Variants in MBNL1 observed in about 807,000 individuals in gnomAD.
The protein encoded by MBNL1 is muscleblind-like protein 1.
MBNL1 carries 8 observed loss-of-function variants against 42.2 expected under a neutral mutation model. That is an observed-to-expected ratio of 0.19 (90% CI 0.11 to 0.34). The LOEUF (loss-of-function observed/expected upper bound fraction) is 0.34, where lower values mean the gene tolerates loss of function less well. Ranked by LOEUF, MBNL1 falls within the 10% of genes least tolerant of loss-of-function variation. The pLI, the probability that MBNL1 is intolerant of heterozygous loss-of-function variation, is 1.00. For synonymous variants in MBNL1, 169 were observed against 173.9 expected (o/e 0.97, Z 0.22); for missense variants, 309 against 495.3 (o/e 0.62, Z 3.57).
intron 9 of MBNL1, among the ~76,000 whole-genome samples, chr3:152,460,170 C>T (rs77203390): frequency 6.6e-6 from 1 of 151,672 alleles, no homozygotes; most frequent in African/African-American, 2.4e-5. Context: ...GGGAGGATCA[C>T]TTGAGCCCAG....
chr3:152,435,800 T>C (rs908337154), intron 4 of MBNL1, among the ~76,000 whole-genome samples: 4 of 152,204 alleles, frequency 2.6e-5, no homozygotes, highest in African/African-American at 9.7e-5. Flanking sequence ...ATTCTTTTTG[T>C]GGCAATTGTG....
intron 2 of MBNL1, among the ~76,000 whole-genome samples, chr3:152,363,555 G>T (rs959213698): frequency 3.9e-5 from 6 of 152,152 alleles, no homozygotes; most frequent in Non-Finnish European, 8.8e-5. Flanking sequence ...TCTTTGTCCA[G>T]TGTTAAACTA....
chr3:152,284,766 C>G (rs2050558313), intron 1 of MBNL1, among the ~76,000 whole-genome samples: 1 of 151,936 alleles, frequency 6.6e-6, no homozygotes, highest in Admixed American at 6.6e-5. Context: ...TGCATTTTAC[C>G]TACGTGGAAG....
chr3:152,304,840 G>A (rs2062253743), intron 2 of MBNL1, among the ~76,000 whole-genome samples: 1 of 152,068 alleles, frequency 6.6e-6, no homozygotes, highest in Admixed American at 6.5e-5. Flanking sequence ...ACTAGTAATT[G>A]TATTCATTTG....
At chr3:152,455,433 C>T in intron 6 of MBNL1, 109 bp from the exon 7 acceptor site, 1 of 856,970 alleles carries the variant, frequency 1.2e-6, no homozygotes, top group Non-Finnish European at 2.0e-6. Flanking sequence ...CCCATAATAA[C>T]AATTTTTCTT....
intron 2 of MBNL1, among the ~76,000 whole-genome samples, chr3:152,347,418 G>T (rs1174786637): frequency 1.3e-5 from 2 of 152,012 alleles, no homozygotes; most frequent in Non-Finnish European, 1.5e-5. Flanking sequence ...GTCACTTTTA[G>T]GTTATAGTTT....
chr3:152,311,802 C>T (rs1232661937), intron 2 of MBNL1, among the ~76,000 whole-genome samples: 1 of 151,712 alleles, frequency 6.6e-6, no homozygotes, highest in Non-Finnish European at 1.5e-5. Context: ...GCATAAAGAG[C>T]ATGTTTGCTC....
At position 152,268,964 on chromosome 3, in the gene MBNL1, C is replaced by T. The variant is rs928248379; in HGVS notation, c.-918C>T. The T allele has an allele frequency of 2.8e-5, 13 of 456,144 alleles. No individual in the cohort carries two copies. Among genetic ancestry groups the T allele is most frequent in the African/African-American group, 2.6e-4 (13 of 50,076 alleles). The allele number at this position is 456,144 out of a possible 1,614,324, so 28.3% of individuals were successfully genotyped here. A position where few individuals can be genotyped will look rare whatever the true frequency, so the allele number is the denominator to read the frequency against. The stretch of plus-strand genomic sequence containing the variant: ...CTGCAGCTGAATGAGTTGTGGCGCC[C>T]ACAATGCTCCCATGACAAGGAGCTG... On this transcript the variant is annotated 5_prime_UTR_variant, in exon 1 of 10. Transcript: ENST00000324210.
At chr3:152,268,773 GA>G (rs769161226), upstream of MBNL1, 2 of 449,928 alleles carry the variant, frequency 4.4e-6, no homozygotes, top group Non-Finnish European at 4.4e-6. Flanking sequence ...GGCGCCGGCG[GA>G]AAGTTGAAGA....
intron 2 of MBNL1, among the ~76,000 whole-genome samples, chr3:152,402,165 C>A (rs1457125220): frequency 1.3e-5 from 2 of 152,074 alleles, no homozygotes; most frequent in Admixed American, 1.3e-4. Context: ...TGCTTTCAAG[C>A]ATCTCTGGAG....
Position 152,445,262 on chromosome 3 carries a change from T to A in MBNL1, c.550-20T>A. 6.2e-7 allele frequency: 1 copy of A among 1,601,804 alleles called. No homozygotes were observed. Among genetic ancestry groups the A allele is most frequent in the South Asian group, 1.1e-5 (1 of 90,202 alleles). On this transcript the variant is annotated intron_variant, in intron 4 of 9. Transcript: ENST00000324210. ...TCTTCTTCATGTTGACTAAACCTCATGTACTTAATGACCTCATAGGTATGT... is the reference window on the plus strand; with the variant it reads ...TCTTCTTCATGTTGACTAAACCTCAAGTACTTAATGACCTCATAGGTATGT...
chr3:152,286,612 C>T (rs1479399951), intron 1 of MBNL1, among the ~76,000 whole-genome samples: 1 of 140,570 alleles, frequency 7.1e-6, no homozygotes, highest in East Asian at 2.1e-4. Flanking sequence ...GAATAGGTTC[C>T]TTGTTTATCT....
intron 3 of MBNL1, among the ~76,000 whole-genome samples, chr3:152,420,340 G>A (rs947219446): frequency 2.0e-5 from 3 of 152,182 alleles, no homozygotes; most frequent in Non-Finnish European, 4.4e-5. Context: ...TCCCAGCAGG[G>A]ATCGAAAGAC....
intron 2 of MBNL1, among the ~76,000 whole-genome samples, chr3:152,388,883 C>T (rs901287110): frequency 1.2e-4 from 18 of 152,100 alleles, no homozygotes; most frequent in African/African-American, 4.1e-4. Context: ...CATGTTCTAA[C>T]GTAAGGGCAA....
intron 2 of MBNL1, among the ~76,000 whole-genome samples, chr3:152,391,643 G>T (rs2097720560): frequency 6.6e-6 from 1 of 152,164 alleles, no homozygotes; most frequent in Non-Finnish European, 1.5e-5. Context: ...TTTAGCTCCT[G>T]CCTGACATGT....
At chr3:152,300,931 C>T in intron 2 of MBNL1, 1 of 984,372 alleles carries the variant, frequency 1.0e-6, no homozygotes, top group Non-Finnish European at 1.2e-6. Context: ...AGGTGCTGAA[C>T]TGCTGCTACA....
intron 1 of MBNL1, among the ~76,000 whole-genome samples, chr3:152,277,306 G>T (rs978526070): frequency 6.6e-6 from 1 of 152,128 alleles, no homozygotes; most frequent in Non-Finnish European, 1.5e-5. Flanking sequence ...TATTTGCTGA[G>T]AAATGTCTCA....
chr3:152,425,518 G>C (rs2098914184), intron 3 of MBNL1, among the ~76,000 whole-genome samples: 1 of 151,770 alleles, frequency 6.6e-6, no homozygotes, highest in South Asian at 2.1e-4. Flanking sequence ...TGAGGCAAGA[G>C]AATCGCTTGA....
chr3:152,268,449 TTCTAACCTTCAA>T (rs2037873347), upstream of MBNL1: 1 of 299,538 alleles, frequency 3.3e-6, no homozygotes, highest in Non-Finnish European at 6.5e-6. Context: ...TCTAATTGGC[TTCTAACCTTCAA>T]TCTAACCTTG....
Sources: allele counts gnomAD v4.1 joint callset (sites outside exome capture counted in the v4.1 genomes callset), GRCh38; gene constraint gnomAD v4.1.1; transcripts MANE v1.5; gene names NCBI Gene and HGNC (gene_info 2026-07-23, HGNC 2026-07-21).